DNAH14: variants seen among roughly 807,000 people sequenced by gnomAD.
DNAH14 encodes axonemal beta dynein heavy chain 14.
In DNAH14, 478 loss-of-function variants were observed where a neutral mutation model predicts 520.9. The observed-to-expected ratio is 0.92, with a 90% CI of 0.85 to 0.99. The LOEUF is 0.99. Ranked by LOEUF, DNAH14 falls within the 50% of genes least tolerant of loss-of-function variation. The pLI, the probability that DNAH14 is intolerant of heterozygous loss-of-function variation, is 0.00. For missense variants in DNAH14, 4,831 were observed against 5,234.5 expected, an observed-to-expected ratio of 0.92 and a Z score of 2.38; for synonymous variants, 1,581 against 1,757.2, an observed-to-expected ratio of 0.90 and a Z score of 2.51.
chr1:225,194,340 T>C (rs1021328859), intron 38 of DNAH14, among the ~76,000 whole-genome samples: 6 of 152,206 alleles, frequency 3.9e-5, no homozygotes, highest in African/African-American at 1.4e-4. Context: ...TAGAGCAGAA[T>C]AGCCCAGAAA....
intron 19 of DNAH14, 126 bp downstream of exon 19, chr1:225,080,874 C>A: frequency 2.0e-6 from 2 of 988,034 alleles, no homozygotes; most frequent in Non-Finnish European, 2.9e-6. Context: ...GCTAGAGCTA[C>A]AATACAGGAG....
rs1482481992 is a variant in DNAH14, at chr1:225,277,395, C to T, written c.8179-15C>T. On this transcript the variant is annotated splice_polypyrimidine_tract_variant and intron_variant, in intron 53 of 85. Coordinates refer to ENST00000682510, the MANE Select transcript of DNAH14 (RefSeq NM_001367479.1). ...GTACCTATAATCCATTTATTTGTCACATTTGATCTGCTAGCTTTCTCATTC... is the reference window on the plus strand; with the variant it reads ...GTACCTATAATCCATTTATTTGTCATATTTGATCTGCTAGCTTTCTCATTC... The T allele has an allele frequency of 2.1e-6, 1 of 465,918 alleles. No homozygotes were observed. The highest frequency in any genetic ancestry group is 1.6e-5 in the South Asian group (1 of 63,258). 28.9% of individuals were successfully genotyped at this position (465,918 alleles called of 1,614,324 possible).
Position 225,148,396 on chromosome 1 carries a change from C to CTTTTTTTTTTTTT in DNAH14, c.4940+1158_4940+1170dup, listed in dbSNP as rs560233312. On this transcript the variant is annotated intron_variant, in intron 31 of 85. Transcript: ENST00000682510. The stretch of plus-strand genomic sequence containing the variant: ...TTCTCTAATGATCAGTAATGTTGAG[C>CTTTTTTTTTTTTT]TTTTTTTTTTTTTTTTTTTTTTTGA... Among the ~76,000 whole-genome samples, 5 of 96,622 alleles carry CTTTTTTTTTTTTT rather than the reference C, an allele frequency of 5.2e-5. 1 individual carries two copies. Among genetic ancestry groups the CTTTTTTTTTTTTT allele is most frequent in the African/African-American group, 2.0e-4 (4 of 20,336 alleles). 63.4% of individuals were successfully genotyped at this position (96,622 alleles called of 152,430 possible).
chr1:225,089,095 C>T (rs1347925093), intron 21 of DNAH14, among the ~76,000 whole-genome samples: 1 of 152,084 alleles, frequency 6.6e-6, no homozygotes, highest in African/African-American at 2.4e-5. Context: ...GGAATCCTCC[C>T]TAACACATTC....
At chr1:225,350,133 A>G (rs2095345444) in intron 71 of DNAH14, among the ~76,000 whole-genome samples, 1 of 152,154 alleles carries the variant, frequency 6.6e-6, no homozygotes, top group Non-Finnish European at 1.5e-5. Flanking sequence ...CAACAGAATG[A>G]AAACTGAAAA....
chr1:225,336,046 C>CATATAT (rs11281928), intron 66 of DNAH14, among the ~76,000 whole-genome samples: 1 of 141,578 alleles, frequency 7.1e-6, no homozygotes, highest in Non-Finnish European at 1.5e-5. Context: ...CACATATATG[C>CATATAT]ATATATACAT....
At chr1:225,103,269 AC>A (rs2075687865) in intron 23 of DNAH14, among the ~76,000 whole-genome samples, 1 of 152,202 alleles carries the variant, frequency 6.6e-6, no homozygotes, top group African/African-American at 2.4e-5. Flanking sequence ...TGGTATCAGT[AC>A]CATGCTGTTT....
At chr1:225,253,132 T>C (rs1446955772) in intron 44 of DNAH14, among the ~76,000 whole-genome samples, 1 of 152,218 alleles carries the variant, frequency 6.6e-6, no homozygotes, top group Admixed American at 6.5e-5. Flanking sequence ...TAACTCTACA[T>C]TTGTTTTCGT....
rs117039410 is a variant in DNAH14, at chr1:225,292,295, G to T, written c.8469+2213G>T. Among the ~76,000 whole-genome samples, 134 of 152,074 alleles carry T rather than the reference G, an allele frequency of 8.8e-4. 2 individuals are homozygous for T. In the East Asian group the frequency reaches 0.021, roughly 24 times the overall value. On this transcript the variant is annotated intron_variant, in intron 55 of 85. Coordinates refer to ENST00000682510, the MANE Select transcript of DNAH14 (RefSeq NM_001367479.1). ...TTCTTGGATGGGGTGAGAGGTGGGGGTCTATTTTCATTCTTCTATATATGG... is the reference window on the plus strand; with the variant it reads ...TTCTTGGATGGGGTGAGAGGTGGGGTTCTATTTTCATTCTTCTATATATGG...
intron 23 of DNAH14, among the ~76,000 whole-genome samples, chr1:225,114,176 C>T (rs979451619): frequency 7.2e-5 from 11 of 152,162 alleles, no homozygotes; most frequent in Admixed American, 3.3e-4. Flanking sequence ...TTATTCGGGG[C>T]CCAAGGGCTG....
chr1:225,130,439 A>C (rs1207951925), intron 27 of DNAH14, among the ~76,000 whole-genome samples: 3 of 152,108 alleles, frequency 2.0e-5, no homozygotes, highest in Non-Finnish European at 4.4e-5. Context: ...ACAATGATAG[A>C]CCGAATTAAG....
chr1:225,254,217 G>A (rs1020531325), intron 44 of DNAH14, among the ~76,000 whole-genome samples: 12 of 151,978 alleles, frequency 7.9e-5, no homozygotes, highest in African/African-American at 2.9e-4. Context: ...ATAGACCATG[G>A]GCTGTTACAT....
intron 42 of DNAH14, among the ~76,000 whole-genome samples, chr1:225,239,816 A>G (rs1328768172): frequency 6.6e-6 from 1 of 152,264 alleles, no homozygotes; most frequent in African/African-American, 2.4e-5. Flanking sequence ...TGAACTGTAC[A>G]TTAATGATTG....
At chr1:225,392,538 A>T in intron 84 of DNAH14, 87 bp downstream of exon 84, 1 of 1,479,952 alleles carries the variant, frequency 6.8e-7, no homozygotes, top group Non-Finnish European at 9.1e-7. Context: ...ACAAACCTTT[A>T]CTCAGCACTT....
intron 46 of DNAH14, among the ~76,000 whole-genome samples, chr1:225,259,559 T>G (rs1574352694): frequency 6.6e-6 from 1 of 152,326 alleles, no homozygotes; most frequent in East Asian, 1.9e-4. Context: ...ATACTTATGA[T>G]TTTTTAGTGA....
intron 5 of DNAH14, among the ~76,000 whole-genome samples, chr1:224,966,950 G>A (rs914553333): frequency 5.9e-5 from 9 of 152,108 alleles, no homozygotes; most frequent in Non-Finnish European, 1.2e-4. Context: ...TCTTATGGTT[G>A]TAAAGATAAT....
intron 8 of DNAH14, among the ~76,000 whole-genome samples, chr1:224,988,208 A>T (rs1449628932): frequency 6.6e-6 from 1 of 152,120 alleles, no homozygotes; most frequent in African/African-American, 2.4e-5. Flanking sequence ...AGCTCCATCC[A>T]TGTCCCTGCA....
In DNAH14 at chr1:225,346,100, T is replaced by C. The variant is rs746242421; in HGVS notation, c.10817T>C (p.Ile3606Thr). The change falls in exon 70 of 86, where the codon ATT (isoleucine) becomes ACT (threonine). Residue 3606 changes from isoleucine (I) to threonine (T), a missense_variant. Physicochemically the swap from Ile to Thr is moderately conservative, Grantham distance 89. Transcript: ENST00000682510. The part of the protein sequence containing the change: ...IQAIRKNYLP[I>T]ATRGALLYFL... ...GCAATACGTAAAAACTATCTCCCCA[T>C]TGCGACCCGAGGCGCCCTGCTCTAC... 4.5e-5 allele frequency: 70 copies of C among 1,551,596 alleles called. No individual in the cohort carries two copies. The highest frequency in any genetic ancestry group is 5.7e-5 in the Non-Finnish European group (65 of 1,146,980).
chr1:225,119,151 C>A, intron 25 of DNAH14, 69 bp from the exon 26 acceptor site: 7 of 1,189,212 alleles, frequency 5.9e-6, no homozygotes, highest in Non-Finnish European at 8.1e-6. Context: ...AGTCTACAGG[C>A]TTGTCAAAGG....
Sources: allele counts gnomAD v4.1 joint callset (sites outside exome capture counted in the v4.1 genomes callset), GRCh38; gene constraint gnomAD v4.1.1; transcripts MANE v1.5; gene names NCBI Gene and HGNC (gene_info 2026-07-23, HGNC 2026-07-21).